Variants in ROBO1 observed in about 807,000 individuals in gnomAD.
ROBO1 encodes roundabout homolog 1.
A neutral mutation model predicts 195.9 loss-of-function variants in ROBO1; 149 were observed. The ratio of observed to expected loss-of-function variants is 0.76; its 90% CI spans 0.67 to 0.87. ROBO1 has a LOEUF of 0.87. ROBO1 is among the 40% of genes least tolerant of loss of function. The probability of loss-of-function intolerance (pLI) is 0.00; values close to 1 mark genes in which losing one functional copy is unlikely to be tolerated. For synonymous variants in ROBO1, 816 were observed against 733.2 expected, an observed-to-expected ratio of 1.11 and a Z score of -1.82; for missense variants, 1,933 against 2,068.3, an observed-to-expected ratio of 0.93 and a Z score of 1.27.
chr3:79,452,300 C>T (rs2039469634), intron 2 of ROBO1, among the ~76,000 whole-genome samples: 1 of 151,916 alleles, frequency 6.6e-6, no homozygotes, highest in South Asian at 2.1e-4. Context: ...GCCCATCAAC[C>T]CTCGTATCTT....
intron 2 of ROBO1, among the ~76,000 whole-genome samples, chr3:79,351,698 C>T (rs1250148832): frequency 3.9e-5 from 6 of 151,924 alleles, no homozygotes; most frequent in African/African-American, 1.2e-4. Context: ...GCAAGTTTTG[C>T]CTTTTTTTTA....
chr3:78,670,201 A>G lies in ROBO1; in HGVS notation c.1443T>C (p.Ser481=). The G allele has an allele frequency of 6.2e-7, 1 of 1,611,200 alleles. No homozygotes were observed. The highest frequency in any genetic ancestry group is 8.5e-7 in the Non-Finnish European group (1 of 1,178,690). The change falls in exon 11 of 31, where the codon AGT becomes AGC. Residue 481 remains serine, a synonymous_variant. Coordinates refer to ENST00000464233, the MANE Select transcript of ROBO1 (RefSeq NM_002941.4). ...TFVLSCVATG[S]PVPTILWRKD... is the part of the protein sequence containing the mutation. The stretch of plus-strand genomic sequence containing the variant: ...TTCTCCACAGAATGGTGGGCACTGG[A>G]CTGCCTGTGGCCACACAGCTGAGGA...
intron 1 of ROBO1, among the ~76,000 whole-genome samples, chr3:79,644,174 A>C (rs1382434362): frequency 6.6e-6 from 1 of 152,132 alleles, no homozygotes; most frequent in Admixed American, 6.6e-5. Flanking sequence ...CTATATATAT[A>C]TGCACCCAAC....
chr3:78,746,805 C>A lies in ROBO1; in HGVS notation c.595G>T (p.Glu199Ter). ...MECQPPRGHPEPTISWKKDGS... is the reference protein window; with the variant it reads ...MECQPPRGHP ...TCTTTCTTCCATGAAATGGTGGGCT[C>A]AGGATGGCCTCGTGGAGGTTGGCAT... is the stretch of plus-strand genomic sequence containing the variant. The change falls in exon 5 of 31, where the codon GAG becomes TAG. Residue 199 changes from glutamate (E) to a stop codon, truncating the protein, a stop_gained. Coordinates refer to ENST00000464233, the MANE Select transcript of ROBO1 (RefSeq NM_002941.4). LOFTEE classifies it high-confidence loss of function. The A allele has an allele frequency of 6.2e-7, 1 of 1,600,398 alleles. No homozygotes were observed. The highest frequency in any genetic ancestry group is 8.5e-7 in the Non-Finnish European group (1 of 1,170,376).
chr3:79,072,633 T>C (rs2079108079), intron 3 of ROBO1, among the ~76,000 whole-genome samples: 1 of 151,958 alleles, frequency 6.6e-6, no homozygotes, highest in Non-Finnish European at 1.5e-5. Flanking sequence ...ATTTGGAACA[T>C]TCTTCGCCAC....
At chr3:79,554,670 A>C (rs749942988) in intron 2 of ROBO1, among the ~76,000 whole-genome samples, 34 of 152,040 alleles carry the variant, frequency 2.2e-4, no homozygotes, top group Non-Finnish European at 4.3e-4. Context: ...AAGTAGGGAG[A>C]CTCCTATTAT....
chr3:79,291,647 G>A (rs536859268), intron 2 of ROBO1, among the ~76,000 whole-genome samples: 1 of 152,210 alleles, frequency 6.6e-6, no homozygotes, highest in African/African-American at 2.4e-5. Flanking sequence ...CATCTTCAAT[G>A]CATAGCACAA....
rs149343691 is a variant in ROBO1 at position 79,187,582 on chromosome 3, T to C, written c.89-62043A>G. On this transcript the variant is annotated intron_variant, in intron 2 of 30. Coordinates refer to ENST00000464233, the MANE Select transcript of ROBO1 (RefSeq NM_002941.4). ...GAGGGGGAGTCATTGAAATGCAAAG[T>C]GTTGACAGAACTCTTTTGAACGAAA... Among the ~76,000 whole-genome samples, 37 of 152,050 alleles carry C rather than the reference T, an allele frequency of 2.4e-4. 1 individual carries two copies. In the Middle Eastern group the frequency reaches 0.01, roughly 42 times the overall value.
chr3:78,712,030 A>G (rs1489194458), intron 8 of ROBO1, among the ~76,000 whole-genome samples: 1 of 141,272 alleles, frequency 7.1e-6, no homozygotes, highest in Non-Finnish European at 1.6e-5. Flanking sequence ...AAAAAAAAAA[A>G]AAAAAAAAAA....
intron 3 of ROBO1, among the ~76,000 whole-genome samples, chr3:79,036,854 T>C (rs1318273788): frequency 3.3e-5 from 5 of 152,118 alleles, no homozygotes; most frequent in Admixed American, 6.6e-5. Context: ...GTGAAAACTT[T>C]TCAGTGATTA....
intron 2 of ROBO1, among the ~76,000 whole-genome samples, chr3:79,234,409 C>A (rs1365451126): frequency 6.6e-6 from 1 of 152,032 alleles, no homozygotes; most frequent in Non-Finnish European, 1.5e-5. Context: ...TATAGCCAGC[C>A]AGCTATCTCC....
chr3:79,602,041 G>A (rs1944355033), intron 1 of ROBO1, among the ~76,000 whole-genome samples: 1 of 151,866 alleles, frequency 6.6e-6, no homozygotes, highest in Non-Finnish European at 1.5e-5. Context: ...ACTTAAATGA[G>A]CTGCAAATTT....
At chr3:78,613,872 T>C (rs1450843374) in intron 28 of ROBO1, among the ~76,000 whole-genome samples, 1 of 152,024 alleles carries the variant, frequency 6.6e-6, no homozygotes, top group Admixed American at 6.6e-5. Context: ...GACCAGGAGG[T>C]GGGGGAACTA....
At chr3:78,645,243 T>C (rs1706202786) in intron 21 of ROBO1, among the ~76,000 whole-genome samples, 1 of 152,110 alleles carries the variant, frequency 6.6e-6, no homozygotes, top group East Asian at 1.9e-4. Flanking sequence ...CTTTGTTATA[T>C]ACTAAATTCA....
At chr3:79,500,601 A>T (rs1343067502) in intron 2 of ROBO1, among the ~76,000 whole-genome samples, 1 of 152,092 alleles carries the variant, frequency 6.6e-6, no homozygotes, top group Non-Finnish European at 1.5e-5. Context: ...CCTCTTTACT[A>T]ATGAGAATTC....
chr3:79,180,555 C>G (rs2081323869), intron 2 of ROBO1, among the ~76,000 whole-genome samples: 1 of 152,168 alleles, frequency 6.6e-6, no homozygotes, highest in South Asian at 2.1e-4. Context: ...TTGTTCAAAT[C>G]TTGGCTCCAC....
At chr3:79,600,847 A>G (rs1047698191) in intron 1 of ROBO1, among the ~76,000 whole-genome samples, 2 of 152,016 alleles carry the variant, frequency 1.3e-5, no homozygotes, top group African/African-American at 4.8e-5. Flanking sequence ...ATATACCAAA[A>G]TTATACTAAA....
chr3:79,155,602 G>A (rs1251994012), intron 2 of ROBO1, among the ~76,000 whole-genome samples: 1 of 151,708 alleles, frequency 6.6e-6, no homozygotes, highest in Non-Finnish European at 1.5e-5. Context: ...ACAGTCCATA[G>A]TACATGTGGC....
chr3:78,615,557 T>C (rs1038431691), intron 27 of ROBO1, among the ~76,000 whole-genome samples: 13 of 152,204 alleles, frequency 8.5e-5, no homozygotes, highest in Non-Finnish European at 1.5e-4. Flanking sequence ...CTCTGGTGCC[T>C]TACATAGATG....
Sources: allele counts gnomAD v4.1 joint callset (sites outside exome capture counted in the v4.1 genomes callset), GRCh38; gene constraint gnomAD v4.1.1; transcripts MANE v1.5; gene names NCBI Gene and HGNC (gene_info 2026-07-23, HGNC 2026-07-21).